Variants in OSBP2 observed in about 807,000 individuals in gnomAD.
OSBP2 encodes oxysterol binding protein 2.
A neutral mutation model predicts 96.0 loss-of-function variants in OSBP2; 66 were observed. The ratio of observed to expected loss-of-function variants is 0.69; its 90% CI spans 0.56 to 0.84. The LOEUF (loss-of-function observed/expected upper bound fraction) is 0.84, where lower values mean the gene tolerates loss of function less well. Ranked by LOEUF, OSBP2 falls within the 40% of genes least tolerant of loss-of-function variation. OSBP2 has a pLI of 0.00. For missense variants in OSBP2, 1,038 were observed against 1,222.7 expected (o/e 0.85, Z 2.25); for synonymous variants, 525 against 520.9 (o/e 1.01, Z -0.11).
chr22:30,704,455 C>T (rs949019928), intron 1 of OSBP2, among the ~76,000 whole-genome samples: 28 of 151,816 alleles, frequency 1.8e-4, no homozygotes, highest in Admixed American at 1.1e-3. Context: ...ACTGGGAGTT[C>T]GTCATGTGGG....
intron 2 of OSBP2, among the ~76,000 whole-genome samples, chr22:30,777,455 C>T (rs118124975): frequency 0.013 from 2,014 of 152,274 alleles, 26 homozygotes; most frequent in Middle Eastern, 0.044. Context: ...TGCCTTTTAC[C>T]TTCCACCATG....
intron 1 of OSBP2, among the ~76,000 whole-genome samples, chr22:30,706,417 C>T (rs1331586022): frequency 6.6e-6 from 1 of 152,124 alleles, no homozygotes; most frequent in Non-Finnish European, 1.5e-5. Flanking sequence ...ACACGCACAG[C>T]CACAGCTCTA....
At chr22:30,786,463 G>C (rs908139738) in intron 2 of OSBP2, among the ~76,000 whole-genome samples, 2 of 152,028 alleles carry the variant, frequency 1.3e-5, no homozygotes, top group African/African-American at 4.8e-5. Flanking sequence ...TGCCTGCTGT[G>C]GGGAGACAGA....
At chr22:30,826,683 T>C (rs2038412557) in intron 2 of OSBP2, among the ~76,000 whole-genome samples, 1 of 152,174 alleles carries the variant, frequency 6.6e-6, no homozygotes, top group African/African-American at 2.4e-5. Flanking sequence ...CACTCAGCAC[T>C]TTTGTCTAAC....
intron 1 of OSBP2, chr22:30,731,694 G>A (rs2089781533): frequency 6.5e-6 from 1 of 154,652 alleles, no homozygotes; most frequent in Admixed American, 6.5e-5. Context: ...TTTCCTTGGA[G>A]AACAAAAACA....
intron 13 of OSBP2, 48 bp from the exon 14 acceptor site, chr22:30,906,149 G>A (rs2040332582): frequency 4.3e-6 from 7 of 1,612,706 alleles, no homozygotes; most frequent in Non-Finnish European, 5.9e-6. Context: ...GGATTCCGGG[G>A]GAGCAGGCCA....
At chr22:30,757,294 C>T (rs1006286589) in intron 2 of OSBP2, among the ~76,000 whole-genome samples, 1 of 152,186 alleles carries the variant, frequency 6.6e-6, no homozygotes, top group Non-Finnish European at 1.5e-5. Flanking sequence ...CCTGCGTCCC[C>T]CCTGCCATAT....
intron 2 of OSBP2, among the ~76,000 whole-genome samples, chr22:30,769,380 T>G (rs2090319114): frequency 6.6e-6 from 1 of 152,196 alleles, no homozygotes; most frequent in Non-Finnish European, 1.5e-5. Flanking sequence ...CTGGGCACAG[T>G]GGCTCACATC....
intron 2 of OSBP2, among the ~76,000 whole-genome samples, chr22:30,768,875 T>A (rs1229189653): frequency 6.6e-6 from 1 of 152,188 alleles, no homozygotes; most frequent in Non-Finnish European, 1.5e-5. Context: ...TTCACGTGGA[T>A]CTGTAGGCAT....
intron 2 of OSBP2, among the ~76,000 whole-genome samples, chr22:30,844,865 G>T (rs1425613439): frequency 6.6e-6 from 1 of 152,166 alleles, no homozygotes; most frequent in African/African-American, 2.4e-5. Flanking sequence ...TTGATTTAAA[G>T]TGAGAGCCAT....
intron 2 of OSBP2, among the ~76,000 whole-genome samples, chr22:30,751,837 A>G (rs2090076994): frequency 6.6e-6 from 1 of 152,226 alleles, no homozygotes; most frequent in Non-Finnish European, 1.5e-5. Flanking sequence ...ATGTCCAACA[A>G]CATGTGTCGA....
chr22:30,819,651 A>G (rs994468256), intron 2 of OSBP2, among the ~76,000 whole-genome samples: 5 of 152,246 alleles, frequency 3.3e-5, no homozygotes, highest in Non-Finnish European at 7.3e-5. Flanking sequence ...CTTATAGTGT[A>G]AAATGATTAC....
intron 2 of OSBP2, among the ~76,000 whole-genome samples, chr22:30,853,123 G>A (rs1312903360): frequency 6.6e-6 from 1 of 152,106 alleles, no homozygotes; most frequent in Non-Finnish European, 1.5e-5. Context: ...TGTCAATTAG[G>A]TCAATTCAGT....
chr22:30,710,117 C>A (rs1045405929), intron 1 of OSBP2, among the ~76,000 whole-genome samples: 2 of 151,882 alleles, frequency 1.3e-5, no homozygotes, highest in Non-Finnish European at 2.9e-5. Context: ...AACTCCTGAC[C>A]TCAGGTGATT....
At chr22:30,800,327 G>A (rs988032297) in intron 2 of OSBP2, among the ~76,000 whole-genome samples, 7 of 152,124 alleles carry the variant, frequency 4.6e-5, no homozygotes, top group African/African-American at 1.7e-4. Flanking sequence ...GAGGAGGGCT[G>A]GGTCCAGGCC....
intron 2 of OSBP2, among the ~76,000 whole-genome samples, chr22:30,853,287 T>C (rs1376519983): frequency 6.6e-6 from 1 of 152,236 alleles, no homozygotes; most frequent in Non-Finnish European, 1.5e-5. Flanking sequence ...ACCTTTAAGC[T>C]CTGTCACGAG....
chr22:30,745,197 ATCC>A (rs1393073146), intron 2 of OSBP2, among the ~76,000 whole-genome samples: 3 of 152,186 alleles, frequency 2.0e-5, no homozygotes, highest in Non-Finnish European at 4.4e-5. Flanking sequence ...GTTCTATCTA[ATCC>A]TCATTTGTGT....
intron 1 of OSBP2, among the ~76,000 whole-genome samples, chr22:30,699,390 TACAA>T (rs1200970835): frequency 1.3e-5 from 2 of 152,258 alleles, no homozygotes; most frequent in East Asian, 3.8e-4. Flanking sequence ...GATGGGTCAC[TACAA>T]ACATTCTTGT....
At chr22:30,790,174 G>A (rs2090652352) in intron 2 of OSBP2, among the ~76,000 whole-genome samples, 1 of 152,026 alleles carries the variant, frequency 6.6e-6, no homozygotes, top group Non-Finnish European at 1.5e-5. Flanking sequence ...TGACGCACAG[G>A]GCTTATTCTT....
Sources: gnomAD v4.1 joint callset for allele counts (sites outside exome capture counted in the v4.1 genomes callset) on GRCh38, gnomAD v4.1.1 for gene constraint, MANE v1.5 for transcripts, NCBI Gene and HGNC (gene_info 2026-07-23, HGNC 2026-07-21) for gene names.